BLTP1: variants seen among roughly 807,000 people sequenced by gnomAD.
The protein encoded by BLTP1 is bridge-like lipid transfer protein family member 1, also known as fragile site-associated protein.
the BLTP1 span, chr4:122,209,755 G>T: frequency 1.4e-5 from 22 of 1,561,822 alleles, no homozygotes; most frequent in Non-Finnish European, 1.9e-5. Context: ...TCTGCAACTG[G>T]TATCTCTGTA....
chr4:122,262,331 C>T, the BLTP1 span, among the ~76,000 whole-genome samples: 1 of 152,060 alleles, frequency 6.6e-6, no homozygotes, highest in Non-Finnish European at 1.5e-5. Flanking sequence ...CTGGCACTTC[C>T]ACAAACATGC....
chr4:122,307,767 AT>A, the BLTP1 span: 1 of 984,864 alleles, frequency 1.0e-6, no homozygotes, highest in Non-Finnish European at 1.2e-6. Context: ...TTATTTTTTC[AT>A]TTGTTATTTA....
chr4:122,293,357 C>A, the BLTP1 span: 1 of 191,812 alleles, frequency 5.2e-6, no homozygotes, highest in Non-Finnish European at 9.6e-6. Context: ...ACTAGGCAGA[C>A]AGCTCCACCA....
chr4:122,356,574 A>G, the BLTP1 span: 1 of 1,591,750 alleles, frequency 6.3e-7, no homozygotes, highest in Non-Finnish European at 8.5e-7. Flanking sequence ...ATCCTTATTA[A>G]TGGGAAGATG....
chr4:122,258,855 C>T, the BLTP1 span: 1 of 1,562,532 alleles, frequency 6.4e-7, no homozygotes, highest in Non-Finnish European at 8.7e-7. Flanking sequence ...TATATTATTG[C>T]TCTTTTTGGT....
the BLTP1 span, chr4:122,178,316 C>T: frequency 9.3e-6 from 2 of 215,102 alleles, no homozygotes; most frequent in Admixed American, 6.5e-5. Context: ...TACCTGCATA[C>T]AAATGTCCTG....
At chr4:122,169,804 T>A in the BLTP1 span, 1 of 984,852 alleles carries the variant, frequency 1.0e-6, no homozygotes, top group South Asian at 4.7e-5. Context: ...TAGCAGGAGG[T>A]CTCTTTACTG....
chr4:122,164,418 C>A, the BLTP1 span: 2 of 985,162 alleles, frequency 2.0e-6, no homozygotes, highest in East Asian at 2.3e-4. Flanking sequence ...TTTGTTGCTG[C>A]TTCTCCTTCC....
the BLTP1 span, among the ~76,000 whole-genome samples, chr4:122,358,657 C>G: frequency 6.6e-6 from 1 of 152,106 alleles, no homozygotes; most frequent in African/African-American, 2.4e-5. Context: ...TGTGTTCTTA[C>G]GTAGTGCGTT....
At chr4:122,344,478 G>A in the BLTP1 span, 18 of 1,613,948 alleles carry the variant, frequency 1.1e-5, no homozygotes, top group Admixed American at 1.7e-5. Flanking sequence ...CGGATCAGGC[G>A]TTCAGGAGGT....
At chr4:122,263,288 A>C in the BLTP1 span, 3 of 983,166 alleles carry the variant, frequency 3.1e-6, no homozygotes, top group East Asian at 3.4e-4. Context: ...TTATTAATGC[A>C]TTAATATCCA....
chr4:122,167,707 G>A, the BLTP1 span: 81 of 985,288 alleles, frequency 8.2e-5, no homozygotes, highest in Admixed American at 4.4e-3. Context: ...AAGCTTGTCC[G>A]TCATGCCATT....
At chr4:122,288,926 G>A in the BLTP1 span, 72 of 446,906 alleles carry the variant, frequency 1.6e-4, no homozygotes, top group Admixed American at 2.6e-4. Flanking sequence ...GGCCAGTAAC[G>A]TATTAGGAAC....
the BLTP1 span, chr4:122,313,461 G>C: frequency 6.4e-6 from 1 of 155,514 alleles, no homozygotes; most frequent in Non-Finnish European, 1.4e-5. Context: ...GATCTTATGA[G>C]TCATTAAGAT....
the BLTP1 span, chr4:122,199,130 A>C: frequency 5.7e-6 from 1 of 175,512 alleles, no homozygotes; most frequent in Non-Finnish European, 1.1e-5. Flanking sequence ...TACAAAGGAA[A>C]GTAAAATCAG....
the BLTP1 span, chr4:122,305,751 T>A: frequency 7.4e-7 from 1 of 1,359,238 alleles, no homozygotes; most frequent in South Asian, 1.6e-5. Context: ...GGAATATACA[T>A]TAACAGCTGA....
the BLTP1 span, among the ~76,000 whole-genome samples, chr4:122,156,292 G>C: frequency 1.3e-5 from 2 of 152,184 alleles, no homozygotes; most frequent in African/African-American, 4.8e-5. Flanking sequence ...GATCACTCAG[G>C]AAAATGTAGA....
chr4:122,180,491 T>G, the BLTP1 span, among the ~76,000 whole-genome samples: 3 of 152,208 alleles, frequency 2.0e-5, no homozygotes, highest in Admixed American at 2.0e-4. Flanking sequence ...ATGCACATAA[T>G]TTTATTTAAT....
chr4:122,305,511 C>T, the BLTP1 span: 1 of 983,920 alleles, frequency 1.0e-6, no homozygotes, highest in Non-Finnish European at 1.2e-6. Context: ...AGAAAAATGC[C>T]AGTCACAGTT....
Sources: allele counts gnomAD v4.1 joint callset (sites outside exome capture counted in the v4.1 genomes callset), GRCh38; gene constraint gnomAD v4.1.1; transcripts MANE v1.5; gene names NCBI Gene and HGNC (gene_info 2026-07-23, HGNC 2026-07-21).